Variants in TRAPPC9 observed in about 807,000 individuals in gnomAD.
TRAPPC9 encodes trafficking protein particle complex subunit 9.
A neutral mutation model predicts 124.0 loss-of-function variants in TRAPPC9; 83 were observed. That is an observed-to-expected ratio of 0.67 (90% CI 0.56 to 0.80). The LOEUF is 0.80. Ranked by LOEUF, TRAPPC9 falls within the 30% of genes least tolerant of loss-of-function variation. TRAPPC9 has a pLI of 0.00. For missense variants in TRAPPC9, 1,302 were observed against 1,508.3 expected (o/e 0.86, Z 2.27); for synonymous variants, 638 against 617.5 (o/e 1.03, Z -0.49).
chr8:140,076,146 GTA>G (rs1387442006), intron 17 of TRAPPC9, among the ~76,000 whole-genome samples: 1 of 152,206 alleles, frequency 6.6e-6, no homozygotes, highest in African/African-American at 2.4e-5. Flanking sequence ...CTTAAGCACT[GTA>G]TATATACATA....
intron 14 of TRAPPC9, among the ~76,000 whole-genome samples, chr8:140,282,561 C>T (rs543030083): frequency 6.1e-5 from 5 of 81,596 alleles, no homozygotes; most frequent in East Asian, 4.1e-4. Context: ...AGCAAGACTC[C>T]GTCAAAAAAA....
intron 9 of TRAPPC9, among the ~76,000 whole-genome samples, chr8:140,324,401 T>C (rs887340525): frequency 6.6e-6 from 1 of 152,164 alleles, no homozygotes; most frequent in African/African-American, 2.4e-5. Context: ...ATACATGAAG[T>C]AAAACCTGAT....
At chr8:140,165,851 C>T (rs1212702339) in intron 17 of TRAPPC9, among the ~76,000 whole-genome samples, 1 of 152,130 alleles carries the variant, frequency 6.6e-6, no homozygotes, top group African/African-American at 2.4e-5. Flanking sequence ...CCAGAATCAT[C>T]CCTCACCCCT....
At chr8:140,020,027 G>A (rs1839735912) in intron 18 of TRAPPC9, among the ~76,000 whole-genome samples, 1 of 146,450 alleles carries the variant, frequency 6.8e-6, no homozygotes, top group Non-Finnish European at 1.5e-5. Flanking sequence ...TATGTTTTAT[G>A]ATTTTTAATA....
intron 2 of TRAPPC9, among the ~76,000 whole-genome samples, chr8:140,444,131 G>C (rs2071152664): frequency 6.8e-6 from 1 of 146,662 alleles, no homozygotes; most frequent in African/African-American, 2.5e-5. Flanking sequence ...AGAATTGCTT[G>C]AACCTGGGAT....
chr8:140,064,332 T>C (rs1439356191), intron 17 of TRAPPC9, among the ~76,000 whole-genome samples: 4 of 152,138 alleles, frequency 2.6e-5, no homozygotes, highest in Non-Finnish European at 4.4e-5. Context: ...CTGTGCAACA[T>C]GAGCTGGAGG....
chr8:140,384,207 A>G (rs2068690951), intron 7 of TRAPPC9, among the ~76,000 whole-genome samples: 2 of 148,026 alleles, frequency 1.4e-5, no homozygotes, highest in African/African-American at 4.9e-5. Flanking sequence ...CTGCAAAAAC[A>G]TGCCAAATTG....
intron 21 of TRAPPC9, among the ~76,000 whole-genome samples, chr8:139,844,074 C>G (rs960868162): frequency 1.3e-5 from 2 of 152,202 alleles, no homozygotes; most frequent in African/African-American, 4.8e-5. Context: ...CAGGCTTCAG[C>G]GGCTTCCCAG....
At chr8:140,421,929 A>C (rs1366117675) in intron 5 of TRAPPC9, among the ~76,000 whole-genome samples, 3 of 151,396 alleles carry the variant, frequency 2.0e-5, no homozygotes, top group Non-Finnish European at 4.4e-5. Context: ...ATTCGACCAA[A>C]AATAAACCTA....
chr8:140,340,411 T>C (rs554941076), intron 9 of TRAPPC9, among the ~76,000 whole-genome samples: 2 of 152,294 alleles, frequency 1.3e-5, no homozygotes, highest in East Asian at 3.9e-4. Flanking sequence ...AGTAAAAATA[T>C]GTAGGTCTCT....
intron 17 of TRAPPC9, among the ~76,000 whole-genome samples, chr8:140,081,590 C>T (rs1225742972): frequency 6.6e-6 from 1 of 152,170 alleles, no homozygotes; most frequent in Non-Finnish European, 1.5e-5. Flanking sequence ...AGGTGATCCG[C>T]CCACCTCAGC....
intron 17 of TRAPPC9, among the ~76,000 whole-genome samples, chr8:140,026,415 T>C (rs922471509): frequency 1.3e-5 from 2 of 152,214 alleles, no homozygotes; most frequent in Non-Finnish European, 2.9e-5. Flanking sequence ...CACCATATTG[T>C]TTCGCACAGT....
At chr8:140,454,640 CAAAAAAAAA>C (rs34042143) in intron 1 of TRAPPC9, among the ~76,000 whole-genome samples, 1 of 68,040 alleles carries the variant, frequency 1.5e-5, no homozygotes, top group African/African-American at 5.7e-5. Flanking sequence ...GACTCCCTCT[CAAAAAAAAA>C]AAAAAAAAAA....
chr8:140,119,351 T>C (rs575851633), intron 17 of TRAPPC9, among the ~76,000 whole-genome samples: 1 of 152,302 alleles, frequency 6.6e-6, no homozygotes, highest in African/African-American at 2.4e-5. Context: ...CAGAAGTCCT[T>C]TCAGGATGGC....
At position 140,451,061 on chromosome 8, in the gene TRAPPC9, T is replaced by C. The variant is rs2071440326; in HGVS notation, c.313A>G (p.Ile105Val). 6.2e-7 allele frequency: 1 copy of C among 1,613,870 alleles called. No homozygotes were observed. Among genetic ancestry groups the C allele is most frequent in the South Asian group, 1.1e-5 (1 of 91,076 alleles). Residue 105 changes from isoleucine to valine, a missense_variant, in exon 2 of 23, where the codon ATC (isoleucine) becomes GTC (valine). Ile to Val is a conservative substitution (Grantham distance 29). Coordinates refer to ENST00000438773, the MANE Select transcript of TRAPPC9 (RefSeq NM_001160372.4). ...GAGTCATACAGTGTGGAGCCGTAGA[T>C]CTCCTTCTGCACGTGGAACTTCTCA... ...TFEKFHVQKE[I>V]YGSTLYDSRL...
chr8:140,418,775 C>T (rs11996415), intron 5 of TRAPPC9, among the ~76,000 whole-genome samples: 23,461 of 121,958 alleles, frequency 0.19, 2,286 homozygotes, highest in African/African-American at 0.33. Flanking sequence ...GATAGATAGA[C>T]AGACAGACAG....
intron 8 of TRAPPC9, among the ~76,000 whole-genome samples, chr8:140,360,638 G>GA (rs10571203): frequency 0.014 from 2,137 of 148,758 alleles, 51 homozygotes; most frequent in African/African-American, 0.038. Flanking sequence ...AGCTAAATTA[G>GA]AAAAAAAAAA....
intron 21 of TRAPPC9, among the ~76,000 whole-genome samples, chr8:139,855,510 C>CT (rs1385011778): frequency 2.6e-5 from 4 of 152,346 alleles, no homozygotes; most frequent in Non-Finnish European, 1.5e-5. Context: ...TCCCAGGCAG[C>CT]TCACCACAGC....
rs1386288589 is a variant in TRAPPC9, at chr8:140,400,566, C to T, written c.1009-2821G>A. On this transcript the variant is annotated intron_variant, in intron 6 of 22. Transcript: ENST00000438773. The stretch of plus-strand genomic sequence containing the variant: ...GTCTCAGAGTTGCTTGTTCCTACTT[C>T]TCAGTTCCTATTATGGTTCCTGAGA... Among the ~76,000 whole-genome samples the T allele has an allele frequency of 2.0e-5, 3 of 152,208 alleles. No homozygotes were observed. The East Asian group carries it at 5.8e-4, about 29-fold the overall frequency.
Sources: allele counts gnomAD v4.1 joint callset (sites outside exome capture counted in the v4.1 genomes callset), GRCh38; gene constraint gnomAD v4.1.1; transcripts MANE v1.5; gene names NCBI Gene and HGNC (gene_info 2026-07-23, HGNC 2026-07-21).